GALNTL6: variants seen among roughly 807,000 people sequenced by gnomAD.
GALNTL6 encodes polypeptide N-acetylgalactosaminyltransferase-like 6.
In GALNTL6, 46 loss-of-function variants were observed where a neutral mutation model predicts 73.7. The observed-to-expected ratio is 0.62, with a 90% CI of 0.49 to 0.80. The LOEUF (loss-of-function observed/expected upper bound fraction) is 0.80. Among genes scored for constraint, GALNTL6 ranks in the 30% least tolerant of loss-of-function variants. The probability of loss-of-function intolerance (pLI) is 0.00; values close to 1 mark genes in which losing one functional copy is unlikely to be tolerated. For missense variants in GALNTL6, 604 were observed against 755.0 expected (o/e 0.80, Z 2.34); for synonymous variants, 259 against 263.7 (o/e 0.98, Z 0.17).
At chr4:172,439,485 GTTC>G (rs145104930) in intron 5 of GALNTL6, among the ~76,000 whole-genome samples, 129,763 of 151,136 alleles carry the variant, frequency 0.86, 55,763 homozygotes, top group South Asian at 0.89. Context: ...TTCTTTGCTG[GTTC>G]TTCTTCTCCC....
chr4:171,893,273 A>G (rs1413501108), intron 2 of GALNTL6, among the ~76,000 whole-genome samples: 1 of 152,222 alleles, frequency 6.6e-6, no homozygotes, highest in East Asian at 1.9e-4. Flanking sequence ...CTTATAACAT[A>G]CTAGCTCATA....
intron 9 of GALNTL6, among the ~76,000 whole-genome samples, chr4:172,931,570 T>C (rs1284379611): frequency 6.6e-6 from 1 of 152,216 alleles, no homozygotes; most frequent in Non-Finnish European, 1.5e-5. Context: ...TGCTTGTTCA[T>C]GCTCACATGA....
At chr4:172,508,137 A>G (rs6830647) in intron 5 of GALNTL6, among the ~76,000 whole-genome samples, 1 of 54,486 alleles carries the variant, frequency 1.8e-5, no homozygotes, top group African/African-American at 4.7e-5. Context: ...ATGATAAAAA[A>G]GCGTTTGTGT....
chr4:172,309,036 T>C (rs959150603), intron 3 of GALNTL6, among the ~76,000 whole-genome samples: 2 of 152,108 alleles, frequency 1.3e-5, no homozygotes, highest in African/African-American at 4.8e-5. Context: ...AATGACATTT[T>C]CTCCTAAGAA....
At chr4:172,087,518 G>T (rs530272324) in intron 2 of GALNTL6, among the ~76,000 whole-genome samples, 95 of 151,426 alleles carry the variant, frequency 6.3e-4, no homozygotes, top group African/African-American at 2.2e-3. Flanking sequence ...AGATAGAAAT[G>T]TATATAGTAA....
chr4:172,452,052 A>G (rs926160583), intron 5 of GALNTL6, among the ~76,000 whole-genome samples: 3 of 152,148 alleles, frequency 2.0e-5, no homozygotes, highest in Non-Finnish European at 2.9e-5. Context: ...ATTTGTTTCC[A>G]AAAAACCCAT....
At chr4:172,382,504 A>G (rs765914730) in intron 5 of GALNTL6, among the ~76,000 whole-genome samples, 1 of 152,066 alleles carries the variant, frequency 6.6e-6, no homozygotes, top group Non-Finnish European at 1.5e-5. Flanking sequence ...AGTGCAAGTA[A>G]TGTATCAAAT....
At chr4:172,183,614 T>TG (rs976869668) in intron 2 of GALNTL6, among the ~76,000 whole-genome samples, 6 of 152,184 alleles carry the variant, frequency 3.9e-5, no homozygotes, top group African/African-American at 1.4e-4. Flanking sequence ...TGCCATAAGA[T>TG]GACTTCAAAT....
chr4:172,550,004 T>C (rs921839193), intron 5 of GALNTL6, among the ~76,000 whole-genome samples: 1 of 152,222 alleles, frequency 6.6e-6, no homozygotes, highest in Non-Finnish European at 1.5e-5. Flanking sequence ...TGGATAGTTT[T>C]CCACAGTAAA....
At chr4:171,991,755 T>TATACAC (rs371828556) in intron 2 of GALNTL6, among the ~76,000 whole-genome samples, 2 of 140,688 alleles carry the variant, frequency 1.4e-5, no homozygotes, top group Non-Finnish European at 3.1e-5. Context: ...TATATATATA[T>TATACAC]ACACATATAT....
At chr4:172,014,389 A>C (rs1048496714) in intron 2 of GALNTL6, among the ~76,000 whole-genome samples, 1 of 151,856 alleles carries the variant, frequency 6.6e-6, no homozygotes, top group Non-Finnish European at 1.5e-5. Flanking sequence ...ATTTATTAGT[A>C]CCTGTCTTTT....
chr4:172,654,237 T>G (rs2111159869), intron 5 of GALNTL6, among the ~76,000 whole-genome samples: 1 of 152,304 alleles, frequency 6.6e-6, no homozygotes, highest in South Asian at 2.1e-4. Context: ...AATGTCTCCT[T>G]TATTCTGGTT....
intron 2 of GALNTL6, among the ~76,000 whole-genome samples, chr4:172,226,943 T>A (rs1736887813): frequency 6.6e-6 from 1 of 152,120 alleles, no homozygotes; most frequent in Admixed American, 6.6e-5. Flanking sequence ...AAATTTAGAG[T>A]TTTTGAAGCT....
chr4:171,956,133 G>A (rs1433201837), intron 2 of GALNTL6, among the ~76,000 whole-genome samples: 1 of 151,536 alleles, frequency 6.6e-6, no homozygotes, highest in Non-Finnish European at 1.5e-5. Context: ...CTCCAGAGTA[G>A]CGGGACTACA....
Position 172,508,613 on chromosome 4 carries a change from A to G in GALNTL6, c.553+159924A>G, listed in dbSNP as rs551676375. Among the ~76,000 whole-genome samples, 161 of 53,818 alleles carry G rather than the reference A, an allele frequency of 3.0e-3. 66 individuals carry two copies. Among genetic ancestry groups the G allele is most frequent in the African/African-American group, 7.0e-3 (152 of 21,598 alleles). The allele number at this position is 53,818 out of a possible 152,430, so 35.3% of individuals were successfully genotyped here. On this transcript the variant is annotated intron_variant, in intron 5 of 12. Coordinates refer to ENST00000506823, the MANE Select transcript of GALNTL6 (RefSeq NM_001034845.3). ...CACTGTACAATTTTAATGCCTTTGC[A>G]TCCTCATAGCTTAGCCACCACTTAT...
chr4:173,035,303 C>T (rs529849996), intron 12 of GALNTL6, among the ~76,000 whole-genome samples: 1 of 152,030 alleles, frequency 6.6e-6, no homozygotes, highest in African/African-American at 2.4e-5. Flanking sequence ...TTCAGCCTCC[C>T]GAGTAGTTGG....
At chr4:172,040,899 A>G (rs1462000853) in intron 2 of GALNTL6, among the ~76,000 whole-genome samples, 5 of 152,100 alleles carry the variant, frequency 3.3e-5, no homozygotes, top group African/African-American at 1.2e-4. Context: ...ATTCTGTACA[A>G]GACAATTATA....
intron 2 of GALNTL6, among the ~76,000 whole-genome samples, chr4:172,105,316 C>A (rs1204205974): frequency 6.6e-6 from 1 of 151,632 alleles, no homozygotes. Flanking sequence ...TATAAAGACA[C>A]GGAAGACATG....
chr4:172,171,349 G>C (rs1033018057), intron 2 of GALNTL6, among the ~76,000 whole-genome samples: 2 of 152,036 alleles, frequency 1.3e-5, no homozygotes, highest in Non-Finnish European at 2.9e-5. Context: ...ACTATTGCAG[G>C]AATTAAATAG....
Sources: gnomAD v4.1 joint callset for allele counts (sites outside exome capture counted in the v4.1 genomes callset) on GRCh38, gnomAD v4.1.1 for gene constraint, MANE v1.5 for transcripts, NCBI Gene and HGNC (gene_info 2026-07-23, HGNC 2026-07-21) for gene names.